The following MSI2 variants were observed in gnomAD, a reference collection of about 807,000 sequenced individuals.
The protein encoded by MSI2 is RNA-binding protein Musashi homolog 2.
Under a neutral mutation model 45.6 loss-of-function variants are expected in MSI2, and 17 were observed. The ratio of observed to expected loss-of-function variants is 0.37; its 90% CI spans 0.26 to 0.56. MSI2 has a LOEUF of 0.56. Among genes scored for constraint, MSI2 ranks in the 20% least tolerant of loss-of-function variants. The pLI is 0.77. For missense variants in MSI2, 293 were observed against 444.2 expected, an observed-to-expected ratio of 0.66 and a Z score of 3.06; for synonymous variants, 156 against 158.2, an observed-to-expected ratio of 0.99 and a Z score of 0.11.
intron 5 of MSI2, among the ~76,000 whole-genome samples, chr17:57,355,657 G>A (rs1278888512): frequency 2.0e-5 from 3 of 152,064 alleles, no homozygotes; most frequent in African/African-American, 2.4e-5. Flanking sequence ...CTGAGGGTTG[G>A]GCCAAACCCC....
At chr17:57,269,476 T>C (rs944975600) in intron 5 of MSI2, among the ~76,000 whole-genome samples, 2 of 152,236 alleles carry the variant, frequency 1.3e-5, no homozygotes, top group Non-Finnish European at 2.9e-5. Context: ...GGCTATGTTC[T>C]CTCTGGCCAG....
intron 11 of MSI2, among the ~76,000 whole-genome samples, chr17:57,654,213 G>T (rs1447676304): frequency 6.6e-6 from 1 of 152,224 alleles, no homozygotes; most frequent in East Asian, 1.9e-4. Context: ...GGGTGTGTCA[G>T]GGGCTTGGGA....
intron 5 of MSI2, among the ~76,000 whole-genome samples, chr17:57,272,185 T>C (rs969789995): frequency 1.2e-4 from 19 of 152,232 alleles, no homozygotes; most frequent in African/African-American, 4.6e-4. Flanking sequence ...TCAGATGGAA[T>C]TTTTAACAAC....
At position 57,505,535 on chromosome 17, in the gene MSI2, T is replaced by A. The variant is rs1004328565; in HGVS notation, c.406-24141T>A. Among the ~76,000 whole-genome samples the A allele has an allele frequency of 3.9e-5, 6 of 152,194 alleles. 1 individual carries two copies. The East Asian group carries it at 5.8e-4, about 15-fold the overall frequency. On this transcript the variant is annotated intron_variant, in intron 6 of 13. Coordinates refer to ENST00000284073, the MANE Select transcript of MSI2 (RefSeq NM_138962.4). ...CTGAACAAATTAACAAGGAAAAAGC[T>A]CATCCCCTAACATATGCAGGTATTC...
chr17:57,259,744 A>G (rs966039662), intron 4 of MSI2, among the ~76,000 whole-genome samples: 14 of 152,250 alleles, frequency 9.2e-5, no homozygotes, highest in African/African-American at 2.7e-4. Flanking sequence ...CATTTCAAAA[A>G]GCTAGTGAAA....
chr17:57,507,964 A>G (rs1274793999), intron 6 of MSI2, among the ~76,000 whole-genome samples: 2 of 152,112 alleles, frequency 1.3e-5, no homozygotes, highest in African/African-American at 4.8e-5. Context: ...TTTCTTTTTA[A>G]TCCTTGCTGT....
chr17:57,274,916 T>A (rs1275354110), intron 5 of MSI2, among the ~76,000 whole-genome samples: 1 of 152,196 alleles, frequency 6.6e-6, no homozygotes, highest in African/African-American at 2.4e-5. Flanking sequence ...GTTGTGGGGA[T>A]TAAATGAGCC....
At chr17:57,362,062 T>C (rs958504663) in intron 5 of MSI2, among the ~76,000 whole-genome samples, 1 of 152,096 alleles carries the variant, frequency 6.6e-6, no homozygotes, top group Admixed American at 6.6e-5. Flanking sequence ...AGGAAAGGGG[T>C]CTACCTTGTT....
chr17:57,346,331 A>G (rs1915597345), intron 5 of MSI2, among the ~76,000 whole-genome samples: 1 of 133,466 alleles, frequency 7.5e-6, no homozygotes, highest in East Asian at 2.6e-4. Flanking sequence ...GACTTGAGAC[A>G]TGTAAATAAC....
At chr17:57,694,366 GC>G in the MSI2 span, among the ~76,000 whole-genome samples, 1 of 152,100 alleles carries the variant, frequency 6.6e-6, no homozygotes, top group Non-Finnish European at 1.5e-5. Flanking sequence ...TTCACTCTTA[GC>G]CTTAGGCCTT....
chr17:57,514,011 T>G (rs1160735976), intron 6 of MSI2, among the ~76,000 whole-genome samples: 1 of 152,226 alleles, frequency 6.6e-6, no homozygotes, highest in African/African-American at 2.4e-5. Context: ...TTTTATTTAT[T>G]TTTAAGTTCC....
the MSI2 span, among the ~76,000 whole-genome samples, chr17:57,692,983 T>C: frequency 2.0e-5 from 3 of 152,112 alleles, no homozygotes; most frequent in East Asian, 3.9e-4. Context: ...TGGTTTCATG[T>C]CTTTCATTAT....
chr17:57,399,353 A>C (rs998838894), intron 5 of MSI2, among the ~76,000 whole-genome samples: 1 of 152,246 alleles, frequency 6.6e-6, no homozygotes, highest in Non-Finnish European at 1.5e-5. Flanking sequence ...AGTAGGGAGT[A>C]GGTGGTATAC....
At chr17:57,508,732 C>G (rs2086289419) in intron 6 of MSI2, among the ~76,000 whole-genome samples, 1 of 152,160 alleles carries the variant, frequency 6.6e-6, no homozygotes, top group African/African-American at 2.4e-5. Flanking sequence ...CGCGCGTGAG[C>G]CCGGCAGGCC....
At chr17:57,416,960 G>A (rs1225917625) in intron 6 of MSI2, among the ~76,000 whole-genome samples, 2 of 152,314 alleles carry the variant, frequency 1.3e-5, no homozygotes, top group East Asian at 3.9e-4. Context: ...GAGGTGGGGT[G>A]CCCACCCATG....
intron 7 of MSI2, among the ~76,000 whole-genome samples, chr17:57,578,008 C>G (rs1316454383): frequency 1.3e-5 from 2 of 152,272 alleles, no homozygotes; most frequent in East Asian, 3.9e-4. Flanking sequence ...TCTTCCTCCC[C>G]GCTCCTCCCC....
At chr17:57,372,718 A>T (rs574442617) in intron 5 of MSI2, among the ~76,000 whole-genome samples, 1 of 152,340 alleles carries the variant, frequency 6.6e-6, no homozygotes, top group Non-Finnish European at 1.5e-5. Flanking sequence ...AAACTATAAA[A>T]GGGTGTACTG....
In MSI2 at chr17:57,457,917, G is replaced by GAAATA. The variant is rs1038283448; in HGVS notation, c.405+56465_405+56469dup. Among the ~76,000 whole-genome samples the GAAATA allele has an allele frequency of 5.3e-5, 8 of 151,590 alleles. No individual in the cohort carries two copies. In the East Asian group the frequency reaches 5.8e-4, roughly 11 times the overall value. ...ACGTGAGACCTCGTCTTTAAAAGAA[G>GAAATA]AAATAAAATAAAATAAAATAAAACT... On this transcript the variant is annotated intron_variant, in intron 6 of 13. Coordinates refer to ENST00000284073, the MANE Select transcript of MSI2 (RefSeq NM_138962.4).
the MSI2 span, among the ~76,000 whole-genome samples, chr17:57,701,332 T>A: frequency 0.063 from 9,540 of 152,250 alleles, 403 homozygotes; most frequent in Non-Finnish European, 0.1. Flanking sequence ...TTTGATGGTA[T>A]ACGAAGGTGG....
Sources: gnomAD v4.1 joint callset for allele counts (sites outside exome capture counted in the v4.1 genomes callset) on GRCh38, gnomAD v4.1.1 for gene constraint, MANE v1.5 for transcripts, NCBI Gene and HGNC (gene_info 2026-07-23, HGNC 2026-07-21) for gene names.